EFCAB3: variants seen among roughly 807,000 people sequenced by gnomAD.
The protein encoded by EFCAB3 is EF-hand calcium-binding domain-containing protein 3.
EFCAB3 carries 36 observed loss-of-function variants against 42.2 expected under a neutral mutation model. That is an observed-to-expected ratio of 0.85 (90% CI 0.65 to 1.13). EFCAB3 has a LOEUF of 1.13. Ranked by LOEUF, EFCAB3 falls within the 50% of genes most tolerant of loss-of-function variation. The pLI is 0.00. For synonymous variants in EFCAB3, 170 were observed against 172.8 expected (o/e 0.98, Z 0.13); for missense variants, 418 against 505.1 (o/e 0.83, Z 1.65).
chr17:62,382,257 A>G (rs2070209142), intron 1 of EFCAB3, among the ~76,000 whole-genome samples: 1 of 152,244 alleles, frequency 6.6e-6, no homozygotes, highest in East Asian at 1.9e-4. Context: ...GCATCTTTAA[A>G]TAACTTTTTC....
chr17:62,376,737 T>A (rs2070153822), upstream of EFCAB3, among the ~76,000 whole-genome samples: 1 of 152,316 alleles, frequency 6.6e-6, no homozygotes, highest in East Asian at 1.9e-4. Context: ...CATTCATATA[T>A]GAACAACTTC....
chr17:62,406,329 C>A, intron 6 of EFCAB3, 151 bp from the exon 7 acceptor site: 1 of 605,500 alleles, frequency 1.7e-6, no homozygotes, highest in Non-Finnish European at 2.8e-6. Context: ...CTATAAATAT[C>A]ACAGAAATGG....
intron 6 of EFCAB3, among the ~76,000 whole-genome samples, chr17:62,403,967 C>T (rs934398132): frequency 2.6e-5 from 4 of 152,146 alleles, no homozygotes; most frequent in Non-Finnish European, 5.9e-5. Context: ...CTTGTAACTT[C>T]CCCTCTCACA....
intron 8 of EFCAB3, among the ~76,000 whole-genome samples, chr17:62,409,651 T>G (rs180826686): frequency 0.032 from 4,733 of 147,830 alleles, 243 homozygotes; most frequent in African/African-American, 0.11. Context: ...CTTACCCCCT[T>G]TCCTGATTTT....
intron 6 of EFCAB3, among the ~76,000 whole-genome samples, chr17:62,396,111 A>G (rs1358298913): frequency 6.6e-6 from 1 of 152,238 alleles, no homozygotes; most frequent in East Asian, 1.9e-4. Flanking sequence ...AAAGGGAATG[A>G]TGATAATAAT....
At position 62,416,472 on chromosome 17, in the gene EFCAB3, G is replaced by C; in HGVS notation, c.*143G>C. 2 of 564,746 alleles carry C rather than the reference G, an allele frequency of 3.5e-6. No individual in the cohort carries two copies. The highest frequency in any genetic ancestry group is 5.8e-6 in the Non-Finnish European group (2 of 344,446). 35.0% of individuals were successfully genotyped at this position (564,746 alleles called of 1,614,324 possible). ...GATTCTGACCAGTAAAAAAGTTTAA[G>C]TCATAAAATGGTTTCCCTTTCCTAA... On this transcript the variant is annotated 3_prime_UTR_variant, in exon 10 of 10. Transcript: ENST00000305286.
chr17:62,380,735 G>A, intron 1 of EFCAB3, 122 bp downstream of exon 1: 1 of 401,478 alleles, frequency 2.5e-6, no homozygotes, highest in Non-Finnish European at 3.4e-6. Flanking sequence ...TGATTTCACA[G>A]CACCTTTCAA....
Position 62,393,587 on chromosome 17 carries a change from A to G in EFCAB3, c.310A>G (p.Asn104Asp), listed in dbSNP as rs2070322655. ...CADIDRDGKV[N>D]FSDFIKVLTD... ...TTTTGTTGCAGGAGATGGGAAGGTG[A>G]ACTTCTCAGACTTTATCAAGGTTCT... The change falls in exon 5 of 10, where the codon AAC becomes GAC. Residue 104 changes from asparagine (N) to aspartate (D), a missense_variant. Transcript: ENST00000305286. The G allele has an allele frequency of 6.2e-7, 1 of 1,613,922 alleles. No homozygotes were observed. The highest frequency in any genetic ancestry group is 1.1e-5 in the South Asian group (1 of 91,070).
chr17:62,393,125 CTG>C (rs542173464), intron 4 of EFCAB3, among the ~76,000 whole-genome samples: 58 of 152,184 alleles, frequency 3.8e-4, no homozygotes, highest in Non-Finnish European at 6.9e-4. Context: ...CTTCTACTAA[CTG>C]TGTCAAAATT....
intron 8 of EFCAB3, 86 bp from the exon 9 acceptor site, chr17:62,413,646 T>G: frequency 8.9e-7 from 1 of 1,122,324 alleles, no homozygotes; most frequent in Non-Finnish European, 1.2e-6. Flanking sequence ...CCTTCTATAA[T>G]AAAATATACT....
chr17:62,387,043 T>A (rs1238667951), intron 2 of EFCAB3, among the ~76,000 whole-genome samples: 2 of 152,102 alleles, frequency 1.3e-5, no homozygotes, highest in Non-Finnish European at 2.9e-5. Flanking sequence ...CCTCTTGCCT[T>A]GACCTCCCAA....
In EFCAB3 at chr17:62,416,300, C is replaced by T. The variant is rs374649303; in HGVS notation, c.1288C>T (p.Arg430Trp). ...CYTDSGRKRK[R>W]KGLKGFQQ ...CACAGACTCAGGAAGAAAAAGAAAA[C>T]GGAAAGGTTTAAAGGGATTTCAACA... is the stretch of plus-strand genomic sequence containing the variant. Residue 430 changes from arginine to tryptophan, a missense_variant, in exon 10 of 10, where the codon CGG becomes TGG. By Grantham distance (101) the Arg-to-Trp change is moderately radical (BLOSUM62 -3). Transcript: ENST00000305286. 362 of 1,610,122 alleles carry T rather than the reference C, an allele frequency of 2.2e-4. 3 individuals carry two copies. In the South Asian group the frequency reaches 2.9e-3, roughly 13 times the overall value.
In EFCAB3 at chr17:62,393,544, T is replaced by C. The variant is rs747711546; in HGVS notation, c.296-29T>C. On this transcript the variant is annotated intron_variant, in intron 4 of 9. Coordinates refer to ENST00000305286, the MANE Select transcript of EFCAB3 (RefSeq NM_173503.4). ...CTGATAATTAAAATACATCTTATCCTTGTCCTGAGTCTCAGATTTTTGTTG... is the reference window on the plus strand; with the variant it reads ...CTGATAATTAAAATACATCTTATCCCTGTCCTGAGTCTCAGATTTTTGTTG... 6.4e-6 allele frequency: 10 copies of C among 1,563,828 alleles called. No homozygotes were observed. In the Admixed American group the frequency reaches 6.7e-5, roughly 10 times the overall value.
intron 1 of EFCAB3, among the ~76,000 whole-genome samples, chr17:62,371,077 G>A (rs932610075): frequency 1.6e-4 from 23 of 146,924 alleles, no homozygotes; most frequent in Non-Finnish European, 6.0e-5. Context: ...GGGCAACAGG[G>A]CAAGACCCTG....
In EFCAB3 at chr17:62,402,459, G is replaced by C. The variant is rs11079477; in HGVS notation, c.489-4021G>C. 1.3e-3 allele frequency among the ~76,000 whole-genome samples: 195 copies of C among 152,164 alleles called. 3 individuals carry two copies. The East Asian group carries it at 0.034, about 27-fold the overall frequency. ...AATAGCTCTTATTATTTTGAAATAC[G>C]TCCCATCAATACCTAATTTATTGAG... is the stretch of plus-strand genomic sequence containing the variant. On this transcript the variant is annotated intron_variant, in intron 6 of 9. Transcript: ENST00000305286.
In EFCAB3 at chr17:62,370,324, T is replaced by C. The variant is rs564403526; in HGVS notation, c.34+2T>C. 6.8e-5 allele frequency: 105 copies of C among 1,551,532 alleles called. 1 individual carries two copies. The South Asian group carries it at 1.2e-3, about 17-fold the overall frequency. On this transcript the variant is annotated splice_donor_variant, in intron 1 of 11. Coordinates refer to the EFCAB3 transcript ENST00000450662. LOFTEE classifies it high-confidence loss of function. ...TGATGCCTCATTTGACATTTAACGG[T>C]GAGGTGTATGTTTTATAATTATGTT...
At chr17:62,407,578 A>G (rs536847862) in intron 8 of EFCAB3, among the ~76,000 whole-genome samples, 102 of 152,250 alleles carry the variant, frequency 6.7e-4, no homozygotes, top group African/African-American at 2.3e-3. Context: ...TGAGAAGACC[A>G]GGCCCGCAAC....
At chr17:62,400,389 C>T (rs2070390429) in intron 6 of EFCAB3, among the ~76,000 whole-genome samples, 1 of 152,130 alleles carries the variant, frequency 6.6e-6, no homozygotes, top group Admixed American at 6.5e-5. Flanking sequence ...TCCACTGACC[C>T]TACGACAGGC....
At chr17:62,394,608 G>A (rs750246551) in intron 5 of EFCAB3, among the ~76,000 whole-genome samples, 32 of 152,158 alleles carry the variant, frequency 2.1e-4, no homozygotes, top group Non-Finnish European at 3.1e-4. Context: ...TTAACAGGCT[G>A]CCTTGGAAAA....
Sources: gnomAD v4.1 joint callset for allele counts (sites outside exome capture counted in the v4.1 genomes callset) on GRCh38, gnomAD v4.1.1 for gene constraint, MANE v1.5 for transcripts, NCBI Gene and HGNC (gene_info 2026-07-23, HGNC 2026-07-21) for gene names.